Variants in ASMT observed in about 807,000 individuals in gnomAD.
ASMT encodes the protein acetylserotonin O-methyltransferase, also known as acetylserotonin N-methyltransferase.
Under a neutral mutation model 41.3 loss-of-function variants are expected in ASMT, and 53 were observed. The observed-to-expected ratio is 1.28, with a 90% CI of 1.03 to 1.61. The LOEUF is 1.61. ASMT is among the 40% of genes most tolerant of loss of function. The pLI is 0.00. For synonymous variants in ASMT, 231 were observed against 184.8 expected, an observed-to-expected ratio of 1.25 and a Z score of -2.03; for missense variants, 531 against 441.3, an observed-to-expected ratio of 1.20 and a Z score of -1.82.
At position 1,636,218 on chromosome X, in the gene ASMT, A is replaced by C. The variant is rs1287691092; in HGVS notation, c.788-220A>C. On this transcript the variant is annotated intron_variant, in intron 7 of 8. Transcript: ENST00000381241. Reference sequence around the variant, plus strand: ...GTGATCTGCCCACCTCCGCCTCCCAAAGTGCTAGGATTACAGGCGTGAGCC... The same window carrying C: ...GTGATCTGCCCACCTCCGCCTCCCACAGTGCTAGGATTACAGGCGTGAGCC... The C allele has an allele frequency of 1.4e-5, 9 of 649,744 alleles. No homozygotes were observed. The South Asian group carries it at 1.5e-4, about 11-fold the overall frequency. The allele number at this position is 649,744 out of a possible 1,614,324, so 40.2% of individuals were successfully genotyped here. A position where few individuals can be genotyped will look rare whatever the true frequency, so the allele number is the denominator to read the frequency against.
chrX:1,643,034 A>C lies in ASMT; in HGVS notation c.*20A>C, dbSNP rs1250453331. On this transcript the variant is annotated 3_prime_UTR_variant, in exon 9 of 9. Coordinates refer to ENST00000381241, the MANE Select transcript of ASMT (RefSeq NM_001171038.2). ...AAATAACTGTTTCTTGTGACCTGGA[A>C]CTAACGTCAAAGCACACAAGACATA... The C allele has an allele frequency of 6.2e-7, 1 of 1,611,288 alleles. No individual in the cohort carries two copies. The highest frequency in any genetic ancestry group is 1.3e-5 in the African/African-American group (1 of 74,858).
intron 1 of ASMT, among the ~76,000 whole-genome samples, chrX:1,617,978 G>C (rs1934200494): frequency 6.6e-6 from 1 of 151,786 alleles, no homozygotes; most frequent in African/African-American, 2.4e-5. Context: ...TCTCCTTCCT[G>C]GTTTGTAGAG....
intron 8 of ASMT, among the ~76,000 whole-genome samples, chrX:1,637,047 A>G (rs751959699): frequency 3.0e-5 from 3 of 98,416 alleles, no homozygotes; most frequent in South Asian, 6.7e-4. Context: ...ATCCATCCTG[A>G]TGGCACATGA....
In ASMT at chrX:1,632,883, G is replaced by C. The variant is rs755024454; in HGVS notation, c.646+96G>C. The C allele has an allele frequency of 9.2e-4, 513 of 557,054 alleles. 1 individual carries two copies. The highest frequency in any genetic ancestry group is 1.5e-3 in the Non-Finnish European group (470 of 309,412). The allele number at this position is 557,054 out of a possible 1,614,324, so 34.5% of individuals were successfully genotyped here. A position where few individuals can be genotyped will look rare whatever the true frequency, so the allele number is the denominator to read the frequency against. On this transcript the variant is annotated intron_variant, in intron 6 of 8. Transcript: ENST00000381241. ...TGGGGGGCTGGGAGGCTGGGGGAGGGAGAGCACTAGGACAAATACCTAATG... is the reference window on the plus strand; with the variant it reads ...TGGGGGGCTGGGAGGCTGGGGGAGGCAGAGCACTAGGACAAATACCTAATG...
At chrX:1,615,866 G>C (rs1361196092) in intron 1 of ASMT, among the ~76,000 whole-genome samples, 1 of 152,002 alleles carries the variant, frequency 6.6e-6, no homozygotes, top group South Asian at 2.1e-4. Flanking sequence ...CATAGGATTA[G>C]AAACAAGACA....
rs756873361 is a variant in ASMT at position 1,635,963 on chromosome X, C to CTTT, written c.788-464_788-462dup. The stretch of plus-strand genomic sequence containing the variant: ...GCCACACTTATTCAGTATTTTCTTT[C>CTTT]TTTTTTTTTTTTTGGAGACAGTCTC... On this transcript the variant is annotated intron_variant, in intron 7 of 8. Coordinates refer to ENST00000381241, the MANE Select transcript of ASMT (RefSeq NM_001171038.2). Among the ~76,000 whole-genome samples, 15 of 141,986 alleles carry CTTT rather than the reference C, an allele frequency of 1.1e-4. 1 individual carries two copies. Among genetic ancestry groups the CTTT allele is most frequent in the Admixed American group, 1.4e-4 (2 of 14,162 alleles). The allele number at this position is 141,986 out of a possible 152,430, so 93.1% of individuals were successfully genotyped here.
chrX:1,628,547 G>A (rs752785988), intron 4 of ASMT, among the ~76,000 whole-genome samples: 1 of 152,028 alleles, frequency 6.6e-6, no homozygotes, highest in South Asian at 2.1e-4. Context: ...AAGGACAAGG[G>A]GATGCCTGAG....
intron 7 of ASMT, among the ~76,000 whole-genome samples, chrX:1,634,528 A>G (rs747916732): frequency 6.6e-6 from 1 of 152,330 alleles, no homozygotes; most frequent in East Asian, 1.9e-4. Flanking sequence ...TGGGTGGCCC[A>G]GAGACCCAGC....
intron 8 of ASMT, 114 bp from the exon 9 acceptor site, chrX:1,642,689 G>C: frequency 1.1e-6 from 1 of 936,934 alleles, no homozygotes; most frequent in South Asian, 1.4e-5. Flanking sequence ...TGTGTGATGG[G>C]GACGGTGCCC....
chrX:1,617,384 T>C (rs1446379306), intron 1 of ASMT, among the ~76,000 whole-genome samples: 46 of 149,460 alleles, frequency 3.1e-4, no homozygotes, highest in Middle Eastern at 3.6e-3. Flanking sequence ...GCAGGAGAAT[T>C]GCTTGAACCC....
intron 8 of ASMT, among the ~76,000 whole-genome samples, chrX:1,641,970 G>A (rs6588812): frequency 0.1 from 14,619 of 143,100 alleles, 1,133 homozygotes; most frequent in Middle Eastern, 0.25. Context: ...TGTCTGTGAG[G>A]TCCACCCATC....
intron 5 of ASMT, among the ~76,000 whole-genome samples, chrX:1,630,283 G>A (rs1166464091): frequency 1.6e-5 from 2 of 124,952 alleles, no homozygotes; most frequent in African/African-American, 3.1e-5. Flanking sequence ...ACAGGCACCT[G>A]CCACCACACC....
chrX:1,622,602 G>A (rs1218071243), intron 1 of ASMT, among the ~76,000 whole-genome samples: 1 of 151,878 alleles, frequency 6.6e-6, no homozygotes, highest in Non-Finnish European at 1.5e-5. Flanking sequence ...ATTTTTAAAT[G>A]AGGTTGCACG....
intron 1 of ASMT, among the ~76,000 whole-genome samples, chrX:1,616,988 G>T (rs1366821761): frequency 2.0e-5 from 3 of 152,114 alleles, no homozygotes; most frequent in East Asian, 2.0e-4. Flanking sequence ...GATTACAGGC[G>T]TGAGCCACTG....
At position 1,635,861 on chromosome X, in the gene ASMT, TCAAA is replaced by T. The variant is rs765118375; in HGVS notation, c.788-560_788-557del. On this transcript the variant is annotated intron_variant, in intron 7 of 8. Transcript: ENST00000381241. ...TGGGCAACAAGAGCAAAACTCCATC[TCAAA>T]CAAACAAACAAACAAAAAAACAAAA... Among the ~76,000 whole-genome samples the T allele has an allele frequency of 5.8e-3, 868 of 150,484 alleles. 9 individuals carry two copies. Among genetic ancestry groups the T allele is most frequent in the African/African-American group, 0.02 (815 of 40,948 alleles).
chrX:1,640,656 T>TC (rs1935115294), intron 8 of ASMT, among the ~76,000 whole-genome samples: 1 of 904 alleles, frequency 1.1e-3, no homozygotes, highest in Admixed American at 0.011. Flanking sequence ...GTGAGGTCCA[T>TC]CCATCCTGAT....
At chrX:1,623,098 G>A (rs1286357596) in intron 1 of ASMT, 41 bp from the exon 2 acceptor site, 1 of 1,610,610 alleles carries the variant, frequency 6.2e-7, no homozygotes, top group African/African-American at 1.3e-5. Context: ...TGGTTCCCAG[G>A]AGGCTGAGCC....
rs751291325 is a variant in ASMT, at chrX:1,629,857, G to A, written c.480G>A (p.Leu160=). The A allele has an allele frequency of 1.2e-6, 2 of 1,613,974 alleles. No homozygotes were observed. The highest frequency in any genetic ancestry group is 2.2e-5 in the South Asian group (2 of 91,070). Residue 160 remains leucine (L), a synonymous_variant, in exon 5 of 9, where the codon CTG becomes CTA. Transcript: ENST00000381241. ...AGCGGCTACAGTTCATGCAAGCTCTGCAGGAGGTCTGGAGCGTCAACGGGA... is the reference window on the plus strand; with the variant it reads ...AGCGGCTACAGTTCATGCAAGCTCTACAGGAGGTCTGGAGCGTCAACGGGA... ...EGERLQFMQA[L]QEVWSVNGRS... is the part of the protein sequence containing the mutation.
chrX:1,619,551 TAA>T, intron 1 of ASMT, among the ~76,000 whole-genome samples: 1 of 95,772 alleles, frequency 1.0e-5, no homozygotes, highest in Middle Eastern at 4.8e-3. Context: ...ACTTAAAGTA[TAA>T]TAATAATAAT....
Sources: gnomAD v4.1 joint callset for allele counts (sites outside exome capture counted in the v4.1 genomes callset) on GRCh38, gnomAD v4.1.1 for gene constraint, MANE v1.5 for transcripts, NCBI Gene and HGNC (gene_info 2026-07-23, HGNC 2026-07-21) for gene names.